STARD9: variants seen among roughly 807,000 people sequenced by gnomAD.
STARD9 encodes the protein stAR-related lipid transfer protein 9.
STARD9 carries 346 observed loss-of-function variants against 399.8 expected under a neutral mutation model. The ratio of observed to expected loss-of-function variants is 0.87; its 90% CI spans 0.79 to 0.95. The LOEUF is 0.95. Ranked by LOEUF, STARD9 falls within the 40% of genes least tolerant of loss-of-function variation. The pLI is 0.00. For synonymous variants in STARD9, 2,203 were observed against 2,143.5 expected, an observed-to-expected ratio of 1.03 and a Z score of -0.77; for missense variants, 5,832 against 5,667.5, an observed-to-expected ratio of 1.03 and a Z score of -0.93.
Position 42,597,990 on chromosome 15 carries a change from G to GTA in STARD9, c.234+12363_234+12364dup, listed in dbSNP as rs777829762. ...CCAGCCTGTGTGTGTGTGTGTGTTTGTATATATATATGTGTGTGTGTGTGT... is the reference window on the plus strand; with the variant it reads ...CCAGCCTGTGTGTGTGTGTGTGTTTGTATATATATATATGTGTGTGTGTGTGT... On this transcript the variant is annotated intron_variant, in intron 3 of 32. Transcript: ENST00000290607. Among the ~76,000 whole-genome samples, 1,101 of 129,370 alleles carry GTA rather than the reference G, an allele frequency of 8.5e-3. 24 individuals are homozygous for GTA. Among genetic ancestry groups the GTA allele is most frequent in the African/African-American group, 0.032 (1,043 of 32,774 alleles). The allele number at this position is 129,370 out of a possible 152,430, so 84.9% of individuals were successfully genotyped here.
intron 3 of STARD9, among the ~76,000 whole-genome samples, chr15:42,589,659 C>A (rs140192774): frequency 6.6e-6 from 1 of 150,460 alleles, no homozygotes; most frequent in African/African-American, 2.4e-5. Context: ...TAGGCTGGAG[C>A]GCAGTGGTGC....
intron 9 of STARD9, among the ~76,000 whole-genome samples, chr15:42,660,356 G>C (rs1009400566): frequency 7.2e-5 from 11 of 152,264 alleles, no homozygotes; most frequent in African/African-American, 2.6e-4. Flanking sequence ...CCTGAGGTCA[G>C]GAGTTCAAGA....
intron 20 of STARD9, among the ~76,000 whole-genome samples, chr15:42,679,144 T>C (rs2140189199): frequency 6.6e-6 from 1 of 152,332 alleles, no homozygotes; most frequent in East Asian, 1.9e-4. Context: ...GCCTCTTGCA[T>C]CTGGTGGTCT....
At chr15:42,654,671 A>G (rs369766284) in intron 9 of STARD9, among the ~76,000 whole-genome samples, 1 of 152,096 alleles carries the variant, frequency 6.6e-6, no homozygotes, top group African/African-American at 2.4e-5. Flanking sequence ...AGAACTCAAC[A>G]TTTTTTACAA....
rs1028283848 is a variant in STARD9, at chr15:42,690,564, C to G, written c.8986C>G (p.Pro2996Ala). The G allele has an allele frequency of 6.5e-7, 1 of 1,537,160 alleles. No individual in the cohort carries two copies. The change falls in exon 23 of 33, where the codon CCA becomes GCA. Residue 2996 changes from proline to alanine, a missense_variant. Physicochemically the swap from Pro to Ala is conservative, Grantham distance 27. This residue lies in a region of STARD9 where 5,828 missense variants were observed against 5,651.1 expected (regional missense o/e 1.03). Coordinates refer to ENST00000290607, the MANE Select transcript of STARD9 (RefSeq NM_020759.3). ...PFKAAPHTIH[P>A]PCVVPSRAYE... Reference sequence around the variant, plus strand: ...CAAGGCTGCCCCACATACTATCCACCCACCCTGTGTAGTACCTTCCAGGGC... The same window carrying G: ...CAAGGCTGCCCCACATACTATCCACGCACCCTGTGTAGTACCTTCCAGGGC...
At chr15:42,714,890 A>T (rs561542748) in intron 26 of STARD9, among the ~76,000 whole-genome samples, 9 of 151,670 alleles carry the variant, frequency 5.9e-5, no homozygotes, top group Non-Finnish European at 1.2e-4. Flanking sequence ...TCTCAGCAGT[A>T]CTTATTGATT....
chr15:42,688,616 T>G lies in STARD9; in HGVS notation c.7038T>G (p.Cys2346Trp). ...ATTCTCCAAGGTGGCCAAGAAGGTGTCTTCATGTACCTGTTGCTCTAGGCA... is the reference window on the plus strand; with the variant it reads ...ATTCTCCAAGGTGGCCAAGAAGGTGGCTTCATGTACCTGTTGCTCTAGGCA... ...PLNSPRWPRR[C>W]LHVPVALGIS... Residue 2346 changes from cysteine (C) to tryptophan (W), a missense_variant, in exon 23 of 33, where the codon TGT becomes TGG. Transcript: ENST00000290607. 6.5e-7 allele frequency: 1 copy of G among 1,537,552 alleles called. No individual in the cohort carries two copies. Among genetic ancestry groups the G allele is most frequent in the Non-Finnish European group, 8.7e-7 (1 of 1,146,984 alleles).
Position 42,719,776 on chromosome 15 carries a change from A to C in STARD9, c.*202A>C. 2 of 560,738 alleles carry C rather than the reference A, an allele frequency of 3.6e-6. No homozygotes were observed. The highest frequency in any genetic ancestry group is 6.4e-6 in the Non-Finnish European group (2 of 314,946). The allele number at this position is 560,738 out of a possible 1,614,324, so 34.7% of individuals were successfully genotyped here. On this transcript the variant is annotated 3_prime_UTR_variant, in exon 33 of 33. Coordinates refer to ENST00000290607, the MANE Select transcript of STARD9 (RefSeq NM_020759.3). ...TTGGTCACAGCTGGCACCAGTGCAG[A>C]GCAAACGGCCTGAGCTCCTGGCCCA...
At chr15:42,600,774 C>T (rs1201491454) in intron 3 of STARD9, among the ~76,000 whole-genome samples, 6 of 151,882 alleles carry the variant, frequency 4.0e-5, no homozygotes, top group Admixed American at 3.9e-4. Flanking sequence ...ATCTGCCCAT[C>T]TTGGCCTCCC....
intron 25 of STARD9, 86 bp downstream of exon 25, chr15:42,695,409 G>T: frequency 7.8e-7 from 1 of 1,274,572 alleles, no homozygotes; most frequent in Non-Finnish European, 1.1e-6. Flanking sequence ...CTGAGTCTTG[G>T]GACATACGTA....
chr15:42,646,760 A>C (rs2059653446), intron 7 of STARD9, among the ~76,000 whole-genome samples: 1 of 152,230 alleles, frequency 6.6e-6, no homozygotes, highest in African/African-American at 2.4e-5. Flanking sequence ...CAGCCTGGCC[A>C]ACTGTTGGGC....
chr15:42,684,687 C>T lies in STARD9; in HGVS notation c.3109C>T (p.Pro1037Ser). 6.5e-7 allele frequency: 1 copy of T among 1,537,146 alleles called. No homozygotes were observed. Among genetic ancestry groups the T allele is most frequent in the East Asian group, 2.4e-5 (1 of 40,882 alleles). Residue 1037 changes from proline to serine, a missense_variant, in exon 23 of 33, where the codon CCA becomes TCA. Around this residue, in one of 2 missense-constraint regions of STARD9, gnomAD observed 5,828 missense variants for 5,651.1 expected, o/e 1.03. Transcript: ENST00000290607. Reference protein sequence around the residue: ...TFWTEYKPPSPSRASKRHQRV... With the variant: ...TFWTEYKPPSSSRASKRHQRV... ...TTGGACAGAATACAAACCACCTTCT[C>T]CAAGCAGGGCATCAAAAAGGCATCA...
At chr15:42,673,873 C>G (rs1036046371) in intron 16 of STARD9, 8 of 455,204 alleles carry the variant, frequency 1.8e-5, no homozygotes, top group Non-Finnish European at 2.6e-5. Flanking sequence ...TCTTCCAGTT[C>G]TTTTTTATTC....
At chr15:42,661,330 T>C in intron 10 of STARD9, 105 bp downstream of exon 10, 1 of 839,126 alleles carries the variant, frequency 1.2e-6, no homozygotes, top group Non-Finnish European at 1.9e-6. Flanking sequence ...CTGAGAGTAT[T>C]ACAAAAGAAA....
chr15:42,697,421 G>A (rs1339993302), intron 26 of STARD9, among the ~76,000 whole-genome samples: 1 of 152,024 alleles, frequency 6.6e-6, no homozygotes, highest in Non-Finnish European at 1.5e-5. Context: ...CAGCTGAATA[G>A]TGTTTCTTTT....
At chr15:42,580,311 C>T (rs2058140481) in intron 1 of STARD9, among the ~76,000 whole-genome samples, 1 of 152,060 alleles carries the variant, frequency 6.6e-6, no homozygotes. Context: ...TTCCCCCCTG[C>T]TAGTTTTAAA....
intron 9 of STARD9, among the ~76,000 whole-genome samples, chr15:42,660,593 A>T (rs1330188509): frequency 6.6e-6 from 1 of 151,914 alleles, no homozygotes; most frequent in African/African-American, 2.4e-5. Flanking sequence ...ACAAAAAAAA[A>T]AAAACAAGAA....
At position 42,690,230 on chromosome 15, in the gene STARD9, G is replaced by A; in HGVS notation, c.8652G>A (p.Leu2884=). ...VQCKESVGSG[L]TEVCRAGSKH... is the part of the protein sequence containing the mutation. ...GTAAGGAGAGTGTTGGGTCTGGGTT[G>A]ACAGAAGTCTGCAGGGCTGGCAGCA... is the stretch of plus-strand genomic sequence containing the variant. The change falls in exon 23 of 33, where the codon TTG becomes TTA. Residue 2884 remains leucine (L), a synonymous_variant. Transcript: ENST00000290607. The A allele has an allele frequency of 1.3e-6, 2 of 1,537,576 alleles. No homozygotes were observed. The highest frequency in any genetic ancestry group is 8.7e-7 in the Non-Finnish European group (1 of 1,146,992).
At chr15:42,717,952 T>G in intron 29 of STARD9, 25 bp from the exon 30 acceptor site, 1 of 1,536,150 alleles carries the variant, frequency 6.5e-7, no homozygotes, top group Non-Finnish European at 8.7e-7. Context: ...CCTTTCTATT[T>G]TCTGTGCTTG....
Sources: gnomAD v4.1 joint callset for allele counts (sites outside exome capture counted in the v4.1 genomes callset) on GRCh38, gnomAD v4.1.1 for gene constraint, gnomAD v4.1.1 regional missense constraint, MANE v1.5 for transcripts, NCBI Gene and HGNC (gene_info 2026-07-23, HGNC 2026-07-21) for gene names.